The following GRIN3A variants were observed in gnomAD, a reference collection of about 807,000 sequenced individuals.
GRIN3A encodes the protein glutamate receptor ionotropic, NMDA 3A.
GRIN3A carries 47 observed loss-of-function variants against 92.4 expected under a neutral mutation model. The observed-to-expected ratio is 0.51, with a 90% CI of 0.40 to 0.65. The LOEUF (loss-of-function observed/expected upper bound fraction) is 0.65, where lower values mean the gene tolerates loss of function less well. Ranked by LOEUF, GRIN3A falls within the 30% of genes least tolerant of loss-of-function variation. The pLI is 0.00. For synonymous variants in GRIN3A, 527 were observed against 540.6 expected, an observed-to-expected ratio of 0.97 and a Z score of 0.35; for missense variants, 1,324 against 1,393.1, an observed-to-expected ratio of 0.95 and a Z score of 0.79.
At chr9:101,623,581 T>C (rs1237175639) in intron 4 of GRIN3A, 148 bp from the exon 5 acceptor site, 1 of 678,244 alleles carries the variant, frequency 1.5e-6, no homozygotes, top group Non-Finnish European at 2.7e-6. Context: ...CTGTCTTGGC[T>C]TCTCACTGAT....
Position 101,572,981 on chromosome 9 carries a change from C to G in GRIN3A, c.*193G>C. ...ATTCTTGCTAGAAAAACACTCCTAC[C>G]CTGGAGACCTAGAGAGTGAGCTTGA... On this transcript the variant is annotated 3_prime_UTR_variant, in exon 9 of 9. Coordinates refer to ENST00000361820, the MANE Select transcript of GRIN3A (RefSeq NM_133445.3). The G allele has an allele frequency of 1.7e-6, 1 of 602,400 alleles. No individual in the cohort carries two copies. Among genetic ancestry groups the G allele is most frequent in the East Asian group, 2.8e-5 (1 of 35,328 alleles). The allele number at this position is 602,400 out of a possible 1,614,324, so 37.3% of individuals were successfully genotyped here. A position where few individuals can be genotyped will look rare whatever the true frequency, so the allele number is the denominator to read the frequency against.
chr9:101,634,875 C>T (rs965213693), intron 3 of GRIN3A, among the ~76,000 whole-genome samples: 11 of 152,162 alleles, frequency 7.2e-5, no homozygotes, highest in African/African-American at 9.7e-5. Context: ...AAGACACACT[C>T]GGACTATCCT....
intron 2 of GRIN3A, among the ~76,000 whole-genome samples, chr9:101,678,034 A>G (rs539933754): frequency 1.3e-5 from 2 of 152,218 alleles, no homozygotes; most frequent in Admixed American, 6.5e-5. Context: ...TCTGCTTCAT[A>G]ACACTGCAGG....
At chr9:101,606,116 G>A (rs1410593303) in intron 6 of GRIN3A, among the ~76,000 whole-genome samples, 1 of 152,160 alleles carries the variant, frequency 6.6e-6, no homozygotes, top group Non-Finnish European at 1.5e-5. Context: ...CTCTCTCCCC[G>A]CAGGCTGGAC....
chr9:101,611,761 T>G (rs940585171), intron 6 of GRIN3A, among the ~76,000 whole-genome samples: 1 of 152,200 alleles, frequency 6.6e-6, no homozygotes, highest in Non-Finnish European at 1.5e-5. Flanking sequence ...AGAAATAGTA[T>G]GATTTATAAA....
chr9:101,573,311 A>C lies in GRIN3A; in HGVS notation c.3211T>G (p.Ser1071Ala), dbSNP rs1202838611. The change falls in exon 9 of 9, where the codon TCT (serine) becomes GCT (alanine). Residue 1071 changes from serine to alanine, a missense_variant. Ser to Ala is a moderately conservative substitution (Grantham distance 99, BLOSUM62 1). Coordinates refer to ENST00000361820, the MANE Select transcript of GRIN3A (RefSeq NM_133445.3). Reference sequence around the variant, plus strand: ...AGTTCCTGCATCACTGAGTTCCGAGATACATTTAGGGAGTCTGCTTTCCCA... The same window carrying C: ...AGTTCCTGCATCACTGAGTTCCGAGCTACATTTAGGGAGTCTGCTTTCCCA... ...TNGKADSLNVSRNSVMQELSE... is the reference protein window; with the variant it reads ...TNGKADSLNVARNSVMQELSE... 1.9e-6 allele frequency: 3 copies of C among 1,613,956 alleles called. No individual in the cohort carries two copies. The South Asian group carries it at 3.3e-5, about 18-fold the overall frequency.
intron 3 of GRIN3A, among the ~76,000 whole-genome samples, chr9:101,657,490 A>G (rs1390007212): frequency 6.6e-6 from 1 of 151,980 alleles, no homozygotes; most frequent in Non-Finnish European, 1.5e-5. Flanking sequence ...GAAGGACTTA[A>G]TGCTTTGAGC....
intron 2 of GRIN3A, among the ~76,000 whole-genome samples, chr9:101,680,715 T>C (rs980587594): frequency 6.6e-6 from 1 of 152,194 alleles, no homozygotes; most frequent in African/African-American, 2.4e-5. Flanking sequence ...GTTGCTAGCT[T>C]CCTGACAGCA....
chr9:101,689,465 C>T (rs957430725), intron 1 of GRIN3A, among the ~76,000 whole-genome samples: 3 of 151,996 alleles, frequency 2.0e-5, no homozygotes, highest in Non-Finnish European at 4.4e-5. Context: ...GAGAGAGAGA[C>T]ATGGGAGTGA....
intron 2 of GRIN3A, among the ~76,000 whole-genome samples, chr9:101,672,491 T>C (rs28397028): frequency 0.13 from 20,333 of 152,158 alleles, 1,995 homozygotes; most frequent in African/African-American, 0.28. Flanking sequence ...AATTGAAATG[T>C]AGAGTGGAAC....
chr9:101,579,136 T>C (rs1827859918), intron 7 of GRIN3A, 60 bp downstream of exon 7: 2 of 1,561,454 alleles, frequency 1.3e-6, no homozygotes, highest in African/African-American at 2.7e-5. Context: ...CTCTGGATCC[T>C]CCCATCCCTA....
intron 6 of GRIN3A, among the ~76,000 whole-genome samples, chr9:101,596,663 T>G (rs1184168965): frequency 6.6e-6 from 1 of 152,200 alleles, no homozygotes; most frequent in African/African-American, 2.4e-5. Flanking sequence ...TGGGAGCCTC[T>G]AGAATTGTGT....
chr9:101,735,566 T>G (rs1258692821), intron 1 of GRIN3A, among the ~76,000 whole-genome samples: 1 of 151,878 alleles, frequency 6.6e-6, no homozygotes, highest in African/African-American at 2.4e-5. Flanking sequence ...TCTTGCTACT[T>G]AAGACTCTTG....
intron 1 of GRIN3A, 39 bp downstream of exon 1, chr9:101,737,242 C>A: frequency 1.9e-6 from 3 of 1,563,280 alleles, no homozygotes; most frequent in South Asian, 2.2e-5. Flanking sequence ...CGGCCCCCAG[C>A]AGCGCCCATC....
At chr9:101,585,587 C>T (rs1486564695) in intron 6 of GRIN3A, among the ~76,000 whole-genome samples, 5 of 152,178 alleles carry the variant, frequency 3.3e-5, no homozygotes, top group African/African-American at 7.2e-5. Flanking sequence ...GGGAAAAAAA[C>T]CTTAGAACCA....
chr9:101,653,784 C>T (rs189676209), intron 3 of GRIN3A, among the ~76,000 whole-genome samples: 1 of 151,758 alleles, frequency 6.6e-6, no homozygotes, highest in East Asian at 1.9e-4. Context: ...ATCTATTTTC[C>T]ATTTTATATG....
In GRIN3A at chr9:101,577,801, T is replaced by C; in HGVS notation, c.2975A>G (p.Gln992Arg). 6.2e-7 allele frequency: 1 copy of C among 1,613,122 alleles called. No individual in the cohort carries two copies. The highest frequency in any genetic ancestry group is 1.1e-5 in the South Asian group (1 of 91,076). The change falls in exon 8 of 9, where the codon CAG (glutamine) becomes CGG (arginine). Residue 992 changes from glutamine (Q) to arginine (R), a missense_variant. Physicochemically the swap from Gln to Arg is conservative, Grantham distance 43 (BLOSUM62 1). Coordinates refer to ENST00000361820, the MANE Select transcript of GRIN3A (RefSeq NM_133445.3). ...CACACGTTTGGTCTTGAAATGCTGC[T>C]GCTTTTCCTCTATAAATGATGTATT... ...AINTSFIEEK[Q>R]QHFKTKRVEK...
chr9:101,657,263 T>G lies in GRIN3A; in HGVS notation c.2352+12797A>C, dbSNP rs61064150. On this transcript the variant is annotated intron_variant, in intron 3 of 8. Transcript: ENST00000361820. ...GCCAATTCAGTAAAACAAAAAATGT[T>G]AGTACAATGGTTTTATGTGGAATTT... Among the ~76,000 whole-genome samples the G allele has an allele frequency of 5.5e-3, 838 of 152,092 alleles. 8 individuals are homozygous for G. Among genetic ancestry groups the G allele is most frequent in the African/African-American group, 0.018 (767 of 41,548 alleles).
intron 8 of GRIN3A, among the ~76,000 whole-genome samples, chr9:101,573,773 ATTTTTTTTT>A (rs5899448): frequency 0.011 from 1,045 of 92,646 alleles, 16 homozygotes; most frequent in African/African-American, 0.042. Flanking sequence ...GGTATGGTGC[ATTTTTTTTT>A]TTTTTTTTTT....
Sources: gnomAD v4.1 joint callset for allele counts (sites outside exome capture counted in the v4.1 genomes callset) on GRCh38, gnomAD v4.1.1 for gene constraint, MANE v1.5 for transcripts, NCBI Gene and HGNC (gene_info 2026-07-23, HGNC 2026-07-21) for gene names.